Variants in GBE1 observed in about 807,000 individuals in gnomAD.
GBE1 encodes 1,4-alpha-glucan-branching enzyme.
In GBE1, 70 loss-of-function variants were observed where a neutral mutation model predicts 88.8. The ratio of observed to expected loss-of-function variants is 0.79; its 90% CI spans 0.65 to 0.96. The LOEUF (loss-of-function observed/expected upper bound fraction) is 0.96. GBE1 is among the 40% of genes least tolerant of loss of function. GBE1 has a pLI of 0.00. For missense variants in GBE1, 872 were observed against 871.0 expected (o/e 1.00, Z -0.01); for synonymous variants, 284 against 300.1 (o/e 0.95, Z 0.56).
intron 12 of GBE1, among the ~76,000 whole-genome samples, chr3:81,553,451 C>T (rs1476411094): frequency 6.6e-6 from 1 of 151,776 alleles, no homozygotes; most frequent in Admixed American, 6.6e-5. Flanking sequence ...CCTGTATTTT[C>T]ATCTATTATT....
At chr3:81,716,759 T>C (rs774983100) in intron 1 of GBE1, among the ~76,000 whole-genome samples, 2 of 152,166 alleles carry the variant, frequency 1.3e-5, no homozygotes, top group African/African-American at 4.8e-5. Context: ...TAGCTAGAAA[T>C]TAATTTTAAT....
rs138082161 is a variant in GBE1, at chr3:81,552,178, G to A, written c.1619-15083C>T. The stretch of plus-strand genomic sequence containing the variant: ...GTTAAGTTCTCATCAATAAGGCAAA[G>A]ACAGGATAGTGGGTGAAGTAAATTC... On this transcript the variant is annotated intron_variant, in intron 12 of 15. Transcript: ENST00000429644. Among the ~76,000 whole-genome samples the A allele has an allele frequency of 5.1e-3, 780 of 152,292 alleles. 3 individuals carry two copies. Among genetic ancestry groups the A allele is most frequent in the Non-Finnish European group, 8.5e-3 (580 of 68,018 alleles).
At chr3:81,580,642 C>G in intron 11 of GBE1, among the ~76,000 whole-genome samples, 1 of 152,042 alleles carries the variant, frequency 6.6e-6, no homozygotes, top group East Asian at 1.9e-4. Context: ...TCTGGGTTGA[C>G]AAGACGAGCT....
rs140729763 is a variant in GBE1 at position 81,538,315 on chromosome 3, T to C, written c.1619-1220A>G. The stretch of plus-strand genomic sequence containing the variant: ...GAGGTGCTTTAAATAGTGAACTTTA[T>C]GCTAAGAAATTCTGCAACTTACATT... On this transcript the variant is annotated intron_variant, in intron 12 of 15. Transcript: ENST00000429644. Among the ~76,000 whole-genome samples the C allele has an allele frequency of 5.7e-3, 872 of 152,132 alleles. 1 individual carries two copies. The highest frequency in any genetic ancestry group is 1.0e-2 in the Non-Finnish European group (679 of 67,964).
At chr3:81,750,631 GTATATATATATATGTA>G (rs1706506407) in intron 1 of GBE1, among the ~76,000 whole-genome samples, 3 of 26,270 alleles carry the variant, frequency 1.1e-4, no homozygotes, top group South Asian at 8.8e-4. Flanking sequence ...ATATATATAC[GTATATATATATATGTA>G]TATATATATA....
chr3:81,512,130 G>T (rs920132344), intron 14 of GBE1, among the ~76,000 whole-genome samples: 1 of 151,940 alleles, frequency 6.6e-6, no homozygotes. Flanking sequence ...ACTTATAAGT[G>T]GGAGCTAAAC....
intron 2 of GBE1, among the ~76,000 whole-genome samples, chr3:81,704,408 A>G (rs1045066909): frequency 1.3e-5 from 2 of 152,024 alleles, no homozygotes; most frequent in Admixed American, 1.3e-4. Context: ...AATTCATACA[A>G]TCAGGTAACC....
chr3:81,616,077 T>C (rs1193330950), intron 7 of GBE1, among the ~76,000 whole-genome samples: 1 of 152,218 alleles, frequency 6.6e-6, no homozygotes, highest in Non-Finnish European at 1.5e-5. Flanking sequence ...TGCCATTTTA[T>C]GATTATTTTA....
intron 1 of GBE1, among the ~76,000 whole-genome samples, chr3:81,731,542 T>C (rs1042802151): frequency 6.6e-6 from 1 of 152,126 alleles, no homozygotes; most frequent in Non-Finnish European, 1.5e-5. Context: ...CTGATATGGT[T>C]TGGATTTGTG....
intron 14 of GBE1, among the ~76,000 whole-genome samples, chr3:81,514,328 T>C (rs1256845260): frequency 6.6e-6 from 1 of 151,636 alleles, no homozygotes; most frequent in African/African-American, 2.4e-5. Context: ...CAATAAAACG[T>C]ACTGAGTGTA....
chr3:81,524,430 G>C (rs1454973842), intron 14 of GBE1, among the ~76,000 whole-genome samples: 1 of 151,794 alleles, frequency 6.6e-6, no homozygotes, highest in Non-Finnish European at 1.5e-5. Context: ...TTCCCATAAT[G>C]TGGATTGTCT....
At chr3:81,608,348 C>T (rs1408832797) in intron 7 of GBE1, among the ~76,000 whole-genome samples, 1 of 152,184 alleles carries the variant, frequency 6.6e-6, no homozygotes, top group East Asian at 1.9e-4. Context: ...ATTGAAAACC[C>T]TTCTTGAGAA....
chr3:81,612,953 TGAC>T (rs1344008475), intron 7 of GBE1: 2 of 390,286 alleles, frequency 5.1e-6, no homozygotes, highest in Non-Finnish European at 9.6e-6. Context: ...ATGATGATGA[TGAC>T]GATGATGACG....
intron 3 of GBE1, among the ~76,000 whole-genome samples, chr3:81,668,745 AT>A (rs1705148863): frequency 6.6e-6 from 1 of 152,140 alleles, no homozygotes; most frequent in African/African-American, 2.4e-5. Flanking sequence ...TATTACAGTG[AT>A]TCTCCACCAA....
At chr3:81,514,223 G>GAA (rs34181926) in intron 14 of GBE1, among the ~76,000 whole-genome samples, 35 of 149,354 alleles carry the variant, frequency 2.3e-4, no homozygotes, top group African/African-American at 7.6e-4. Context: ...GAACACATGA[G>GAA]AAAAAAAAAC....
At chr3:81,749,809 G>T (rs1260768174) in intron 1 of GBE1, among the ~76,000 whole-genome samples, 2 of 151,902 alleles carry the variant, frequency 1.3e-5, no homozygotes, top group Non-Finnish European at 2.9e-5. Context: ...TTTTAATACG[G>T]TCTAACACAA....
intron 8 of GBE1, among the ~76,000 whole-genome samples, chr3:81,592,119 C>T (rs1172134354): frequency 6.6e-6 from 1 of 152,090 alleles, no homozygotes; most frequent in Non-Finnish European, 1.5e-5. Flanking sequence ...ACTGTCACCA[C>T]CCATAGTTAC....
chr3:81,513,612 C>A (rs1223692788), intron 14 of GBE1, among the ~76,000 whole-genome samples: 1 of 151,148 alleles, frequency 6.6e-6, no homozygotes, highest in Non-Finnish European at 1.5e-5. Flanking sequence ...AGAAAAAAGA[C>A]AACAGACAGG....
chr3:81,702,102 A>AGAGAGAGTGTGTGTGT (rs1468506890), intron 2 of GBE1, among the ~76,000 whole-genome samples: 1 of 115,408 alleles, frequency 8.7e-6, no homozygotes, highest in African/African-American at 2.9e-5. Context: ...AGAGAGAGAG[A>AGAGAGAGTGTGTGTGT]GTGTGTGTGT....
Sources: allele counts gnomAD v4.1 joint callset (sites outside exome capture counted in the v4.1 genomes callset), GRCh38; gene constraint gnomAD v4.1.1; transcripts MANE v1.5; gene names NCBI Gene and HGNC (gene_info 2026-07-23, HGNC 2026-07-21).